MAP3K15: variants seen among roughly 807,000 people sequenced by gnomAD.
MAP3K15 encodes mitogen-activated protein kinase kinase kinase 15, also known as MAPK/ERK kinase kinase 15.
In MAP3K15, 124 loss-of-function variants were observed where a neutral mutation model predicts 99.5. The observed-to-expected ratio is 1.25, with a 90% confidence interval of 1.08 to 1.45. MAP3K15 has a LOEUF of 1.45. MAP3K15 is among the 40% of genes most tolerant of loss of function. MAP3K15 has a pLI of 0.00. For missense variants in MAP3K15, 1,242 were observed against 1,079.7 expected, an observed-to-expected ratio of 1.15 and a Z score of -2.11; for synonymous variants, 494 against 439.6, an observed-to-expected ratio of 1.12 and a Z score of -1.55.
intron 1 of MAP3K15, among the ~76,000 whole-genome samples, chrX:19,509,591 G>C (rs953155724): frequency 2.7e-5 from 3 of 111,896 alleles, no homozygotes; most frequent in African/African-American, 9.8e-5. Flanking sequence ...CACAGCTAAA[G>C]TAGTGTTTAG....
intron 6 of MAP3K15, among the ~76,000 whole-genome samples, chrX:19,448,666 A>C (rs2064018843): frequency 1.8e-5 from 2 of 109,501 alleles, no homozygotes; most frequent in Non-Finnish European, 3.9e-5. Context: ...ATTTTATTTT[A>C]AAGTCCTTTA....
At chrX:19,463,845 A>C (rs1272678388) in intron 4 of MAP3K15, among the ~76,000 whole-genome samples, 2 of 110,905 alleles carry the variant, frequency 1.8e-5, no homozygotes, top group Non-Finnish European at 3.8e-5. Context: ...CGCGAGTGTA[A>C]AGCCATGCTC....
In MAP3K15 at chrX:19,460,075, C is replaced by G; in HGVS notation, c.798G>C (p.Glu266Asp). The G allele has an allele frequency of 4.2e-6, 5 of 1,196,929 alleles. No individual in the cohort carries two copies. Among genetic ancestry groups the G allele is most frequent in the Non-Finnish European group, 3.4e-6 (3 of 892,918 alleles). ...EKYQGEELAKELARIKLRMDN... is the reference protein window; with the variant it reads ...EKYQGEELAKDLARIKLRMDN... The stretch of plus-strand genomic sequence containing the variant: ...CCATGCGGAGCTTGATCCGAGCTAG[C>G]TCCTTCGCCAGTTCCTCACCTTGGT... Residue 266 changes from glutamate (E) to aspartate (D), a missense_variant, in exon 5 of 29, where the codon GAG becomes GAC. Glu to Asp is a conservative substitution (Grantham distance 45). Transcript: ENST00000338883.
intron 19 of MAP3K15, among the ~76,000 whole-genome samples, chrX:19,376,387 G>A (rs371939214): frequency 5.5e-5 from 6 of 109,180 alleles, no homozygotes; most frequent in South Asian, 4.0e-4. Flanking sequence ...CTGCCTCCCC[G>A]AGGCATTCCC....
At chrX:19,455,128 G>C (rs773405482) in intron 6 of MAP3K15, among the ~76,000 whole-genome samples, 46 of 110,848 alleles carry the variant, frequency 4.1e-4, no homozygotes, top group African/African-American at 1.5e-3. Flanking sequence ...GAGGTTCTCA[G>C]TGTTGGAGAC....
At chrX:19,408,438 AG>A in intron 12 of MAP3K15, 2 of 123,679 alleles carry the variant, frequency 1.6e-5, no homozygotes, top group Admixed American at 1.7e-4. Context: ...GGATCACTTG[AG>A]GTCAGGAGTT....
intron 3 of MAP3K15, among the ~76,000 whole-genome samples, chrX:19,471,577 T>TA (rs2064208187): frequency 9.0e-6 from 1 of 111,238 alleles, no homozygotes; most frequent in Admixed American, 9.6e-5. Flanking sequence ...TATCATTTTT[T>TA]AAAAAATTAA....
In MAP3K15 at chrX:19,413,341, G is replaced by A; in HGVS notation, c.1698+16C>T. The A allele has an allele frequency of 1.7e-6, 2 of 1,155,043 alleles. No homozygotes were observed. Among genetic ancestry groups the A allele is most frequent in the East Asian group, 6.0e-5 (2 of 33,215 alleles). ...TTTGAAAACTGATTAAATTGCTTGT[G>A]ATTTTTCCTCCTTACCATTTCTGTG... On this transcript the variant is annotated intron_variant, in intron 11 of 28. Coordinates refer to ENST00000338883, the MANE Select transcript of MAP3K15 (RefSeq NM_001001671.4).
intron 24 of MAP3K15, among the ~76,000 whole-genome samples, chrX:19,369,427 G>A (rs754083827): frequency 1.8e-5 from 2 of 111,785 alleles, no homozygotes; most frequent in East Asian, 5.6e-4. Flanking sequence ...AGTTTCCACA[G>A]GAAGAAATTG....
chrX:19,438,435 A>G (rs1173738361), intron 6 of MAP3K15, among the ~76,000 whole-genome samples: 1 of 111,755 alleles, frequency 8.9e-6, no homozygotes, highest in Non-Finnish European at 1.9e-5. Flanking sequence ...CAGAATAAAA[A>G]CACAACACTG....
chrX:19,361,197 C>A, intron 28 of MAP3K15, 142 bp downstream of exon 28: 1 of 484,052 alleles, frequency 2.1e-6, no homozygotes, highest in Non-Finnish European at 3.4e-6. Context: ...TCAGTTTCTG[C>A]CCCACCTTGG....
At chrX:19,427,850 A>T (rs774022044) in intron 7 of MAP3K15, among the ~76,000 whole-genome samples, 4 of 111,487 alleles carry the variant, frequency 3.6e-5, no homozygotes, top group Non-Finnish European at 5.7e-5. Context: ...ATTCTGAGGC[A>T]TAATACAAAT....
At chrX:19,448,241 GCGGAGGCCCTGGTAGCA>G (rs1170710642) in intron 6 of MAP3K15, among the ~76,000 whole-genome samples, 1 of 109,389 alleles carries the variant, frequency 9.1e-6, no homozygotes, top group Non-Finnish European at 1.9e-5. Context: ...AGAGTGCCAA[GCGGAGGCCCTGGTAGCA>G]ACTTACATGG....
chrX:19,367,183 CA>C (rs2063340082), intron 25 of MAP3K15, among the ~76,000 whole-genome samples: 1 of 111,655 alleles, frequency 9.0e-6, no homozygotes, highest in Admixed American at 9.5e-5. Flanking sequence ...ATGTCCTTTG[CA>C]GGGACATGAA....
At chrX:19,483,287 A>T (rs1023337816) in intron 3 of MAP3K15, among the ~76,000 whole-genome samples, 5 of 109,892 alleles carry the variant, frequency 4.5e-5, no homozygotes, top group African/African-American at 1.3e-4. Context: ...AAATGGAGAT[A>T]AATGTGCCCA....
intron 3 of MAP3K15, 112 bp downstream of exon 3, chrX:19,486,370 C>T (rs753196482): frequency 1.9e-5 from 6 of 317,914 alleles, no homozygotes; most frequent in Non-Finnish European, 3.2e-5. Flanking sequence ...ACACAACCCA[C>T]AGGCGTGATT....
intron 5 of MAP3K15, 95 bp from the exon 6 acceptor site, chrX:19,457,114 T>C: frequency 1.8e-6 from 1 of 565,843 alleles, no homozygotes; most frequent in Non-Finnish European, 2.9e-6. Context: ...CCTCCGCACT[T>C]AAAGACAGGC....
intron 9 of MAP3K15, among the ~76,000 whole-genome samples, chrX:19,416,810 T>C (rs1331070992): frequency 3.6e-5 from 4 of 112,124 alleles, no homozygotes; most frequent in Non-Finnish European, 5.6e-5. Flanking sequence ...AGGCTATTCG[T>C]AGTTAAGTTT....
chrX:19,470,292 A>G (rs992406614), intron 3 of MAP3K15, among the ~76,000 whole-genome samples: 1 of 111,073 alleles, frequency 9.0e-6, no homozygotes, highest in Admixed American at 9.6e-5. Context: ...TCAGCAAACT[A>G]TCACAAGGAC....
Sources: gnomAD v4.1 joint callset for allele counts (sites outside exome capture counted in the v4.1 genomes callset) on GRCh38, gnomAD v4.1.1 for gene constraint, MANE v1.5 for transcripts, NCBI Gene and HGNC (gene_info 2026-07-23, HGNC 2026-07-21) for gene names.